LHFPL2: variants seen among roughly 807,000 people sequenced by gnomAD.
The protein encoded by LHFPL2 is LHFPL tetraspan subfamily member 2 protein.
In LHFPL2, 7 loss-of-function variants were observed where a neutral mutation model predicts 17.5. That is an observed-to-expected ratio of 0.40 (90% CI 0.23 to 0.75). LHFPL2 has a LOEUF of 0.75. LHFPL2 is among the 30% of genes least tolerant of loss of function. The probability of loss-of-function intolerance (pLI) is 0.37; values close to 1 mark genes in which losing one functional copy is unlikely to be tolerated. For missense variants in LHFPL2, 241 were observed against 294.8 expected (o/e 0.82, Z 1.34); for synonymous variants, 134 against 116.2 (o/e 1.15, Z -0.99).
rs548363184 is a variant in LHFPL2 at position 78,504,193 on chromosome 5, C to G, written c.430+5591G>C. On this transcript the variant is annotated intron_variant, in intron 4 of 4. Coordinates refer to ENST00000380345, the MANE Select transcript of LHFPL2 (RefSeq NM_005779.3). ...CCTCCCTTTGGCAGCCAGAAGTCCT[C>G]AGGGCCTTGTGCTCACCAGGAACAA... is the stretch of plus-strand genomic sequence containing the variant. 2.6e-5 allele frequency among the ~76,000 whole-genome samples: 4 copies of G among 152,328 alleles called. No homozygotes were observed. In the South Asian group the frequency reaches 8.3e-4, roughly 32 times the overall value.
At chr5:78,520,045 G>C (rs1755404233) in intron 3 of LHFPL2, among the ~76,000 whole-genome samples, 1 of 151,220 alleles carries the variant, frequency 6.6e-6, no homozygotes, top group Non-Finnish European at 1.5e-5. Flanking sequence ...CTCTAAAGTG[G>C]GGGTAAGGAA....
chr5:78,497,415 G>A (rs1200934467), intron 4 of LHFPL2, among the ~76,000 whole-genome samples: 1 of 152,026 alleles, frequency 6.6e-6, no homozygotes, highest in Non-Finnish European at 1.5e-5. Context: ...CTACCCTACT[G>A]CACACTACCT....
chr5:78,580,102 A>T (rs1245956813), intron 2 of LHFPL2, among the ~76,000 whole-genome samples: 1 of 152,174 alleles, frequency 6.6e-6, no homozygotes, highest in Non-Finnish European at 1.5e-5. Flanking sequence ...ATGGCCAGTG[A>T]TGGTGAGCAT....
chr5:78,551,540 A>C (rs1756441617), intron 3 of LHFPL2, among the ~76,000 whole-genome samples: 1 of 152,148 alleles, frequency 6.6e-6, no homozygotes, highest in South Asian at 2.1e-4. Context: ...CTTTCCCTCT[A>C]ACAAGGTAGC....
intron 3 of LHFPL2, among the ~76,000 whole-genome samples, chr5:78,512,716 T>G (rs999622696): frequency 6.6e-6 from 1 of 151,784 alleles, no homozygotes; most frequent in Non-Finnish European, 1.5e-5. Context: ...TTTACTGTTA[T>G]GCACAATCTC....
At chr5:78,580,124 T>A (rs1167777669) in intron 2 of LHFPL2, among the ~76,000 whole-genome samples, 1 of 152,186 alleles carries the variant, frequency 6.6e-6, no homozygotes, top group Non-Finnish European at 1.5e-5. Flanking sequence ...TTTTCATGTG[T>A]TTTTTGGCTG....
intron 2 of LHFPL2, among the ~76,000 whole-genome samples, chr5:78,568,143 T>C (rs964507038): frequency 6.6e-6 from 1 of 152,190 alleles, no homozygotes; most frequent in African/African-American, 2.4e-5. Context: ...CAAATATGGG[T>C]TTTTATTCAC....
chr5:78,603,505 T>C (rs1263000980), intron 2 of LHFPL2, among the ~76,000 whole-genome samples: 1 of 152,004 alleles, frequency 6.6e-6, no homozygotes, highest in African/African-American at 2.4e-5. Context: ...AATGAGTCCA[T>C]ACCCTTTACC....
At chr5:78,606,831 C>T (rs961905818) in intron 2 of LHFPL2, among the ~76,000 whole-genome samples, 7 of 152,086 alleles carry the variant, frequency 4.6e-5, no homozygotes, top group East Asian at 1.9e-4. Flanking sequence ...CCAACCACCA[C>T]GCTCAGCTAC....
In LHFPL2 at chr5:78,549,720, G is replaced by A. The variant is rs559906149; in HGVS notation, c.-186+15093C>T. Among the ~76,000 whole-genome samples, 378 of 152,300 alleles carry A rather than the reference G, an allele frequency of 2.5e-3. 3 individuals are homozygous for A. The highest frequency in any genetic ancestry group is 0.014 in the Middle Eastern group (4 of 294). On this transcript the variant is annotated intron_variant, in intron 3 of 4. Transcript: ENST00000380345. ...TTGGAAAGTCTGGTCATGAGTTCTG[G>A]ATTTTTAGAACAGTTCCAGTTGAAT...
chr5:78,590,754 G>C lies in LHFPL2; in HGVS notation c.-244-25883C>G, dbSNP rs77023321. 3.3e-3 allele frequency among the ~76,000 whole-genome samples: 510 copies of C among 152,262 alleles called. 4 individuals carry two copies. Among genetic ancestry groups the C allele is most frequent in the African/African-American group, 0.011 (473 of 41,546 alleles). On this transcript the variant is annotated intron_variant, in intron 2 of 4. Transcript: ENST00000380345. ...AGAAATAGTTGTATCATCCATGCTG[G>C]AACATTTAGTCTTACCAAAATAATG...
At chr5:78,603,723 T>A (rs1051969788) in intron 2 of LHFPL2, among the ~76,000 whole-genome samples, 11 of 152,180 alleles carry the variant, frequency 7.2e-5, no homozygotes, top group African/African-American at 2.2e-4. Context: ...ACTAAAAAAT[T>A]TTTTTCAGTT....
intron 4 of LHFPL2, among the ~76,000 whole-genome samples, chr5:78,504,305 A>G (rs1225520276): frequency 6.6e-6 from 1 of 152,168 alleles, no homozygotes; most frequent in Non-Finnish European, 1.5e-5. Flanking sequence ...CCCCAGAGAA[A>G]GCCCGGTGAC....
intron 2 of LHFPL2, among the ~76,000 whole-genome samples, chr5:78,607,972 A>G (rs1744287211): frequency 6.6e-6 from 1 of 152,244 alleles, no homozygotes; most frequent in Admixed American, 6.5e-5. Flanking sequence ...AAGATATGTG[A>G]TATCCTTACC....
chr5:78,598,038 A>T (rs981058913), intron 2 of LHFPL2, among the ~76,000 whole-genome samples: 4 of 152,180 alleles, frequency 2.6e-5, no homozygotes, highest in African/African-American at 9.7e-5. Flanking sequence ...TAATACAAAG[A>T]CCCCTTAAGG....
chr5:78,637,390 G>C (rs13183950), intron 1 of LHFPL2, among the ~76,000 whole-genome samples: 46,153 of 151,626 alleles, frequency 0.3, 7,353 homozygotes, highest in Middle Eastern at 0.38. Context: ...AACTAGCTTG[G>C]GGGGAGGGGG....
chr5:78,521,085 A>G (rs1206790195), intron 3 of LHFPL2, among the ~76,000 whole-genome samples: 2 of 152,220 alleles, frequency 1.3e-5, no homozygotes, highest in Admixed American at 6.5e-5. Flanking sequence ...TAACACATAC[A>G]TATCAATTGG....
At chr5:78,552,335 G>A (rs1241280102) in intron 3 of LHFPL2, among the ~76,000 whole-genome samples, 3 of 152,060 alleles carry the variant, frequency 2.0e-5, no homozygotes, top group East Asian at 1.9e-4. Context: ...GGGTTTCACC[G>A]TGTTAACCAG....
At chr5:78,623,457 C>T (rs1271938198) in intron 2 of LHFPL2, among the ~76,000 whole-genome samples, 1 of 152,138 alleles carries the variant, frequency 6.6e-6, no homozygotes, top group Non-Finnish European at 1.5e-5. Context: ...CCATAGATTG[C>T]TTTAAAAAGA....
Sources: allele counts gnomAD v4.1 joint callset (sites outside exome capture counted in the v4.1 genomes callset), GRCh38; gene constraint gnomAD v4.1.1; transcripts MANE v1.5; gene names NCBI Gene and HGNC (gene_info 2026-07-23, HGNC 2026-07-21).